The following RBFOX1 variants were observed in gnomAD, a reference collection of about 807,000 sequenced individuals.
The protein encoded by RBFOX1 is RNA binding protein fox-1 homolog 1.
A neutral mutation model predicts 57.7 loss-of-function variants in RBFOX1; 8 were observed. That is an observed-to-expected ratio of 0.14 (90% confidence interval 0.08 to 0.25). The LOEUF (loss-of-function observed/expected upper bound fraction) is 0.25. Ranked by LOEUF, RBFOX1 falls within the 10% of genes least tolerant of loss-of-function variation. RBFOX1 has a pLI of 1.00. For synonymous variants in RBFOX1, 326 were observed against 222.4 expected (o/e 1.47, Z -4.15); for missense variants, 611 against 548.5 (o/e 1.11, Z -1.14).
chr16:5,724,489 G>C lies in RBFOX1; in HGVS notation c.318+125528G>C, dbSNP rs543408840. On this transcript the variant is annotated intron_variant, in intron 3 of 19. Coordinates refer to the RBFOX1 transcript ENST00000641259. The stretch of plus-strand genomic sequence containing the variant: ...TAGAGGAGGGACTCGGAGCCAGACT[G>C]CCAGGGTTTGAACCCAGGACCCATT... 5.5e-4 allele frequency among the ~76,000 whole-genome samples: 84 copies of C among 152,248 alleles called. 1 individual carries two copies. The highest frequency in any genetic ancestry group is 9.1e-4 in the Non-Finnish European group (62 of 68,026).
chr16:7,395,441 A>T (rs2098124686), intron 4 of RBFOX1, among the ~76,000 whole-genome samples: 1 of 152,212 alleles, frequency 6.6e-6, no homozygotes, highest in South Asian at 2.1e-4. Flanking sequence ...GTGGAGCCAG[A>T]AGTATTGGGG....
rs574677179 is a variant in RBFOX1 at position 7,682,429 on chromosome 16, G to A, written c.995+5591G>A. ...GCTGGGATACAGACCCAAAGGCAGA[G>A]AGAAGCCACTTGCAAGTTTGAGTCT... On this transcript the variant is annotated intron_variant, in intron 14 of 15. Transcript: ENST00000550418. Among the ~76,000 whole-genome samples, 4 of 152,174 alleles carry A rather than the reference G, an allele frequency of 2.6e-5. No individual in the cohort carries two copies. The South Asian group carries it at 8.3e-4, about 32-fold the overall frequency.
At chr16:6,268,971 C>A (rs1024479490) in intron 1 of RBFOX1, among the ~76,000 whole-genome samples, 1 of 152,148 alleles carries the variant, frequency 6.6e-6, no homozygotes, top group Non-Finnish European at 1.5e-5. Context: ...CTAAAAACAT[C>A]CTCCTGTATG....
intron 3 of RBFOX1, among the ~76,000 whole-genome samples, chr16:6,668,578 C>G (rs1007910626): frequency 2.0e-5 from 3 of 152,268 alleles, no homozygotes; most frequent in African/African-American, 7.2e-5. Flanking sequence ...CTAGCCTTTC[C>G]TAGGTGCTCG....
intron 2 of RBFOX1, among the ~76,000 whole-genome samples, chr16:5,555,906 A>C (rs2045655142): frequency 6.6e-6 from 1 of 152,068 alleles, no homozygotes; most frequent in South Asian, 2.1e-4. Context: ...CTGTAATCCC[A>C]GTTACTTGGG....
intron 4 of RBFOX1, among the ~76,000 whole-genome samples, chr16:7,283,970 T>C (rs946806523): frequency 1.3e-5 from 2 of 152,226 alleles, no homozygotes; most frequent in African/African-American, 4.8e-5. Flanking sequence ...ATCCTGGGAA[T>C]TGGCAGTCTC....
In RBFOX1 at chr16:6,045,762, G is replaced by C. The variant is rs531556426; in HGVS notation, c.-127+25770G>C. 1.4e-4 allele frequency among the ~76,000 whole-genome samples: 22 copies of C among 152,324 alleles called. No homozygotes were observed. In the South Asian group the frequency reaches 2.9e-3, roughly 20 times the overall value. ...TACACTGTGTTTCCTTAGGTGGAAG[G>C]TGTGGCTACAGAGTTTAATTTGCTA... On this transcript the variant is annotated intron_variant, in intron 1 of 15. Coordinates refer to ENST00000550418, the MANE Select transcript of RBFOX1 (RefSeq NM_018723.4).
At chr16:7,334,695 C>A (rs908205058) in intron 4 of RBFOX1, among the ~76,000 whole-genome samples, 1 of 152,180 alleles carries the variant, frequency 6.6e-6, no homozygotes, top group Non-Finnish European at 1.5e-5. Context: ...TGGAATGTTG[C>A]TGTCATTACG....
chr16:6,905,400 A>G (rs2069596871), intron 3 of RBFOX1, among the ~76,000 whole-genome samples: 1 of 152,086 alleles, frequency 6.6e-6, no homozygotes, highest in Non-Finnish European at 1.5e-5. Context: ...TAAAAATACA[A>G]AAATTAACTG....
At chr16:5,763,598 C>T (rs2053664727) in intron 3 of RBFOX1, among the ~76,000 whole-genome samples, 1 of 152,256 alleles carries the variant, frequency 6.6e-6, no homozygotes, top group Non-Finnish European at 1.5e-5. Context: ...TTAAAAATTG[C>T]TGCCAAGGCA....
chr16:7,689,044 G>A (rs1464814008), intron 14 of RBFOX1, among the ~76,000 whole-genome samples: 6 of 152,154 alleles, frequency 3.9e-5, no homozygotes, highest in African/African-American at 1.4e-4. Context: ...CTCGCATTAT[G>A]TAACTTTTCC....
At chr16:6,519,488 G>A (rs1055380046) in intron 2 of RBFOX1, among the ~76,000 whole-genome samples, 1 of 152,044 alleles carries the variant, frequency 6.6e-6, no homozygotes, top group African/African-American at 2.4e-5. Flanking sequence ...ATCACCTGAG[G>A]TCAAGAGTTG....
chr16:5,641,775 G>C (rs1452993892), intron 3 of RBFOX1, among the ~76,000 whole-genome samples: 3 of 152,224 alleles, frequency 2.0e-5, no homozygotes, highest in African/African-American at 7.2e-5. Context: ...GGAGAGCCAT[G>C]AAGACCAGTG....
Position 7,653,929 on chromosome 16 carries a change from C to T in RBFOX1, c.872C>T (p.Pro291Leu), listed in dbSNP as rs2065688587. The change falls in exon 12 of 16, where the codon CCG becomes CTG. Residue 291 changes from proline (P) to leucine (L), a missense_variant. By Grantham distance (98) the Pro-to-Leu change is moderately conservative. This residue lies in a region of RBFOX1 where 267 missense variants were observed against 229.1 expected (regional missense o/e 1.17). Transcript: ENST00000550418. ...NTFRAAAPPP[P>L]IPAYGGVVYQ... ...TTCAGGGCCGCGGCGCCCCCGCCCC[C>T]GATCCCGGCCTACGGCGGGTAAGTG... 9.7e-6 allele frequency: 15 copies of T among 1,550,648 alleles called. No individual in the cohort carries two copies. The highest frequency in any genetic ancestry group is 1.9e-5 in the Admixed American group (1 of 53,214).
chr16:6,902,065 G>A (rs1369514220), intron 3 of RBFOX1, among the ~76,000 whole-genome samples: 1 of 152,142 alleles, frequency 6.6e-6, no homozygotes, highest in South Asian at 2.1e-4. Context: ...ATATAAAGTT[G>A]CATACTTGAT....
intron 1 of RBFOX1, among the ~76,000 whole-genome samples, chr16:5,335,015 C>T (rs74003880): frequency 2.1e-3 from 316 of 152,224 alleles, no homozygotes; most frequent in African/African-American, 7.3e-3. Flanking sequence ...TGCCCAATTT[C>T]AATTCTGATA....
chr16:6,636,736 G>A (rs1390670291), intron 2 of RBFOX1, among the ~76,000 whole-genome samples: 2 of 134,878 alleles, frequency 1.5e-5, no homozygotes, highest in African/African-American at 5.5e-5. Flanking sequence ...CATAAAATAA[G>A]CCAATTATAT....
chr16:5,930,366 G>T (rs942065532), intron 4 of RBFOX1, among the ~76,000 whole-genome samples: 1 of 135,024 alleles, frequency 7.4e-6, no homozygotes, highest in Non-Finnish European at 1.6e-5. Context: ...GGATGGGAGG[G>T]TGGATGGATG....
chr16:7,380,948 A>T (rs2097773200), intron 4 of RBFOX1, among the ~76,000 whole-genome samples: 2 of 152,230 alleles, frequency 1.3e-5, no homozygotes, highest in African/African-American at 4.8e-5. Flanking sequence ...AAAGAACAGT[A>T]TTTTGAATCT....
Sources: gnomAD v4.1 joint callset for allele counts (sites outside exome capture counted in the v4.1 genomes callset) on GRCh38, gnomAD v4.1.1 for gene constraint, gnomAD v4.1.1 regional missense constraint, MANE v1.5 for transcripts, NCBI Gene and HGNC (gene_info 2026-07-23, HGNC 2026-07-21) for gene names.